The following CAMK4 variants were observed in gnomAD, a reference collection of about 807,000 sequenced individuals.
CAMK4 encodes the protein calcium/calmodulin dependent protein kinase IV.
A neutral mutation model predicts 44.9 loss-of-function variants in CAMK4; 22 were observed. The ratio of observed to expected loss-of-function variants is 0.49; its 90% CI spans 0.35 to 0.70. The LOEUF (loss-of-function observed/expected upper bound fraction) is 0.70, where lower values mean the gene tolerates loss of function less well. Ranked by LOEUF, CAMK4 falls within the 30% of genes least tolerant of loss-of-function variation. The pLI is 0.01. For synonymous variants in CAMK4, 218 were observed against 215.4 expected, an observed-to-expected ratio of 1.01 and a Z score of -0.11; for missense variants, 498 against 586.8, an observed-to-expected ratio of 0.85 and a Z score of 1.56.
chr5:111,310,408 G>T (rs1748149843), intron 1 of CAMK4, among the ~76,000 whole-genome samples: 1 of 152,130 alleles, frequency 6.6e-6, no homozygotes, highest in Non-Finnish European at 1.5e-5. Flanking sequence ...AGAAGTTCCG[G>T]CACTAATGAC....
At chr5:111,466,638 C>T (rs1197029173) in intron 7 of CAMK4, among the ~76,000 whole-genome samples, 1 of 152,060 alleles carries the variant, frequency 6.6e-6, no homozygotes, top group African/African-American at 2.4e-5. Context: ...CAAACCTAGC[C>T]AAGGACATGA....
chr5:111,454,810 G>T (rs1754361956), intron 7 of CAMK4, among the ~76,000 whole-genome samples: 1 of 151,982 alleles, frequency 6.6e-6, no homozygotes, highest in Admixed American at 6.6e-5. Flanking sequence ...TCCTAGAAAA[G>T]AAAATCAAGT....
At chr5:111,417,548 G>A (rs1359725319) in intron 5 of CAMK4, among the ~76,000 whole-genome samples, 1 of 151,992 alleles carries the variant, frequency 6.6e-6, no homozygotes, top group Non-Finnish European at 1.5e-5. Context: ...TTGTAAAGAA[G>A]GGGTCTCATT....
rs1170062640 is a variant in CAMK4 at position 111,486,311 on chromosome 5, T to C, written c.*1845T>C. Reference sequence around the variant, plus strand: ...TTTGTTTTGTTTTATTTGTACTATCTAGTAGAGAGCACTTTTCTTATTCCC... The same window carrying C: ...TTTGTTTTGTTTTATTTGTACTATCCAGTAGAGAGCACTTTTCTTATTCCC... On this transcript the variant is annotated 3_prime_UTR_variant, in exon 11 of 11. Transcript: ENST00000282356. 2 of 152,050 alleles carry C rather than the reference T, an allele frequency of 1.3e-5. No individual in the cohort carries two copies. The highest frequency in any genetic ancestry group is 6.6e-5 in the Admixed American group (1 of 15,224). 9.4% of individuals were successfully genotyped at this position (152,050 alleles called of 1,614,324 possible). A position where few individuals can be genotyped will look rare whatever the true frequency, so the allele number is the denominator to read the frequency against.
intron 5 of CAMK4, among the ~76,000 whole-genome samples, chr5:111,426,639 C>T (rs1012860054): frequency 6.6e-6 from 1 of 152,130 alleles, no homozygotes. Context: ...TAACGCCACC[C>T]CTCCCCCACC....
intron 7 of CAMK4, among the ~76,000 whole-genome samples, chr5:111,459,711 T>G: frequency 1.3e-5 from 1 of 76,630 alleles, no homozygotes; most frequent in South Asian, 4.7e-4. Context: ...TTTTTTTTTT[T>G]TGAGACGGAG....
chr5:111,448,179 A>C (rs1214246839), intron 6 of CAMK4, among the ~76,000 whole-genome samples: 3 of 152,240 alleles, frequency 2.0e-5, no homozygotes, highest in Admixed American at 1.3e-4. Context: ...TCATAATGGT[A>C]GCAACTTTCG....
intron 4 of CAMK4, among the ~76,000 whole-genome samples, chr5:111,389,681 CTGTT>C (rs1021408809): frequency 3.9e-5 from 6 of 152,192 alleles, no homozygotes; most frequent in Non-Finnish European, 8.8e-5. Context: ...AAAATCCACA[CTGTT>C]TGTTGTAGGC....
chr5:111,341,018 C>A (rs527702620), intron 1 of CAMK4, among the ~76,000 whole-genome samples: 1 of 150,882 alleles, frequency 6.6e-6, no homozygotes, highest in African/African-American at 2.4e-5. Flanking sequence ...TCATACTAGT[C>A]TCTTAAGACC....
At chr5:111,323,900 C>T (rs979147586) in intron 1 of CAMK4, among the ~76,000 whole-genome samples, 2 of 151,874 alleles carry the variant, frequency 1.3e-5, no homozygotes, top group African/African-American at 2.4e-5. Context: ...GTCAATTGAT[C>T]GTTTAAAGCA....
At chr5:111,444,904 A>G (rs1368983218) in intron 5 of CAMK4, among the ~76,000 whole-genome samples, 1 of 152,188 alleles carries the variant, frequency 6.6e-6, no homozygotes, top group Non-Finnish European at 1.5e-5. Flanking sequence ...ATTAAACCAA[A>G]CTTAAGACAC....
chr5:111,310,426 G>GC (rs1197623398), intron 1 of CAMK4, among the ~76,000 whole-genome samples: 5 of 152,314 alleles, frequency 3.3e-5, no homozygotes, highest in Admixed American at 6.5e-5. Context: ...GACAAAAGAG[G>GC]CATGAGCCAA....
intron 7 of CAMK4, among the ~76,000 whole-genome samples, chr5:111,466,725 C>G (rs1381161108): frequency 6.6e-6 from 1 of 152,166 alleles, no homozygotes; most frequent in African/African-American, 2.4e-5. Context: ...ATGTCCCATG[C>G]TCATGGATGA....
chr5:111,237,723 T>G (rs1748792594), intron 1 of CAMK4, among the ~76,000 whole-genome samples: 1 of 152,230 alleles, frequency 6.6e-6, no homozygotes, highest in South Asian at 2.1e-4. Flanking sequence ...TATTTGTGGC[T>G]ATGTAACCAG....
At chr5:111,472,379 C>T (rs1393350747) in intron 7 of CAMK4, among the ~76,000 whole-genome samples, 1 of 152,172 alleles carries the variant, frequency 6.6e-6, no homozygotes, top group Non-Finnish European at 1.5e-5. Context: ...GCTGCTGGCA[C>T]CTGCCGCACT....
intron 5 of CAMK4, among the ~76,000 whole-genome samples, chr5:111,411,304 A>G (rs1241879217): frequency 2.0e-5 from 3 of 152,328 alleles, no homozygotes; most frequent in African/African-American, 2.4e-5. Flanking sequence ...TCTTCCCACC[A>G]TAGCAAAGCT....
intron 1 of CAMK4, among the ~76,000 whole-genome samples, chr5:111,330,364 C>T (rs1749112051): frequency 6.6e-6 from 1 of 151,594 alleles, no homozygotes; most frequent in Non-Finnish European, 1.5e-5. Context: ...TGGAGTGATA[C>T]ACACTGTAAA....
At chr5:111,483,918 T>G in intron 10 of CAMK4, 108 bp from the exon 11 acceptor site, 1 of 815,124 alleles carries the variant, frequency 1.2e-6, no homozygotes, top group South Asian at 2.9e-5. Context: ...TTTGAAAACT[T>G]TAACGCTAAC....
intron 5 of CAMK4, among the ~76,000 whole-genome samples, chr5:111,408,937 G>A (rs1752533965): frequency 6.6e-6 from 1 of 152,174 alleles, no homozygotes; most frequent in South Asian, 2.1e-4. Flanking sequence ...CAAGCAGTGG[G>A]CTCCCATGGG....
Sources: allele counts gnomAD v4.1 joint callset (sites outside exome capture counted in the v4.1 genomes callset), GRCh38; gene constraint gnomAD v4.1.1; transcripts MANE v1.5; gene names NCBI Gene and HGNC (gene_info 2026-07-23, HGNC 2026-07-21).